Variants in ASH1L observed in about 807,000 individuals in gnomAD.
The protein encoded by ASH1L is histone-lysine N-methyltransferase ASH1L.
In ASH1L, 23 loss-of-function variants were observed where a neutral mutation model predicts 269.0. The observed-to-expected ratio is 0.09, with a 90% confidence interval of 0.06 to 0.12. The LOEUF (loss-of-function observed/expected upper bound fraction) is 0.12. ASH1L is among the 10% of genes least tolerant of loss of function. The pLI, the probability that ASH1L is intolerant of heterozygous loss-of-function variation, is 1.00. For synonymous variants in ASH1L, 1,187 were observed against 1,253.5 expected, an observed-to-expected ratio of 0.95 and a Z score of 1.12; for missense variants, 2,912 against 3,567.8, an observed-to-expected ratio of 0.82 and a Z score of 4.68.
intron 3 of ASH1L, 152 bp from the exon 4 acceptor site, chr1:155,460,050 A>G (rs768977008): frequency 4.6e-5 from 27 of 591,980 alleles, no homozygotes; most frequent in African/African-American, 7.5e-5. Context: ...GGAGGAAAAT[A>G]AGCAGAGGAC....
At chr1:155,342,236 G>C (rs1030653906) in intron 24 of ASH1L, 134 bp from the exon 25 acceptor site, 2 of 756,084 alleles carry the variant, frequency 2.6e-6, no homozygotes, top group Non-Finnish European at 4.4e-6. Context: ...AGAGAGGCAG[G>C]ACAACTAAGC....
At chr1:155,542,302 C>G (rs1048777606) in intron 1 of ASH1L, among the ~76,000 whole-genome samples, 1 of 152,156 alleles carries the variant, frequency 6.6e-6, no homozygotes, top group Non-Finnish European at 1.5e-5. Flanking sequence ...GTAATCCCAG[C>G]ACTTTGGGAG....
intron 2 of ASH1L, among the ~76,000 whole-genome samples, chr1:155,516,540 T>A (rs1304956538): frequency 6.6e-6 from 1 of 152,170 alleles, no homozygotes; most frequent in Non-Finnish European, 1.5e-5. Flanking sequence ...ACACCTGTAA[T>A]CCCATCACTT....
intron 2 of ASH1L, among the ~76,000 whole-genome samples, chr1:155,498,201 A>AAATTCAT (rs1667281284): frequency 6.6e-6 from 1 of 152,176 alleles, no homozygotes; most frequent in Non-Finnish European, 1.5e-5. Context: ...GACAGAAAAC[A>AAATTCAT]GAATAGTGGT....
chr1:155,532,889 ATATG>A (rs958380304), intron 1 of ASH1L, among the ~76,000 whole-genome samples: 13 of 142,790 alleles, frequency 9.1e-5, no homozygotes, highest in South Asian at 2.1e-4. Flanking sequence ...ATGTATATAT[ATATG>A]TATGTATGTA....
chr1:155,518,817 GAAGAAAGAA>G (rs1668670687), intron 2 of ASH1L, among the ~76,000 whole-genome samples: 2 of 131,160 alleles, frequency 1.5e-5, no homozygotes, highest in South Asian at 5.6e-4. Flanking sequence ...GGAGAGGAAG[GAAGAAAGAA>G]AAGAAGGAAG....
At chr1:155,404,750 G>A (rs1002617359) in intron 6 of ASH1L, among the ~76,000 whole-genome samples, 9 of 152,018 alleles carry the variant, frequency 5.9e-5, no homozygotes, top group African/African-American at 2.2e-4. Flanking sequence ...CCAATTGGAG[G>A]GCTGGGCGTG....
intron 11 of ASH1L, 40 bp downstream of exon 11, chr1:155,370,737 C>A: frequency 6.2e-7 from 1 of 1,613,336 alleles, no homozygotes; most frequent in Non-Finnish European, 8.5e-7. Flanking sequence ...TAATCTTATA[C>A]CTTGGCATTT....
intron 7 of ASH1L, among the ~76,000 whole-genome samples, chr1:155,385,207 G>A (rs1657327519): frequency 6.6e-6 from 1 of 152,110 alleles, no homozygotes; most frequent in African/African-American, 2.4e-5. Flanking sequence ...ACTTTGGGAG[G>A]TGAGGCGGGC....
chr1:155,556,908 G>C (rs993465896), intron 1 of ASH1L, among the ~76,000 whole-genome samples: 27 of 152,252 alleles, frequency 1.8e-4, no homozygotes, highest in Non-Finnish European at 2.4e-4. Flanking sequence ...AGGCGTGGTG[G>C]CATGTGCCTG....
intron 6 of ASH1L, among the ~76,000 whole-genome samples, chr1:155,414,902 G>T (rs1322172270): frequency 6.6e-6 from 1 of 152,088 alleles, no homozygotes; most frequent in East Asian, 1.9e-4. Flanking sequence ...CAATTAGAGT[G>T]CTTATTAAAT....
At chr1:155,488,827 A>T (rs904128812) in intron 2 of ASH1L, among the ~76,000 whole-genome samples, 1 of 152,152 alleles carries the variant, frequency 6.6e-6, no homozygotes, top group Non-Finnish European at 1.5e-5. Flanking sequence ...AAGATGCTGT[A>T]TTAAAACATG....
At chr1:155,407,977 T>C (rs1029113101) in intron 6 of ASH1L, among the ~76,000 whole-genome samples, 1 of 152,124 alleles carries the variant, frequency 6.6e-6, no homozygotes, top group African/African-American at 2.4e-5. Context: ...TCTGGAATAA[T>C]AACAATGTTT....
At chr1:155,536,576 C>A (rs1670071953) in intron 1 of ASH1L, among the ~76,000 whole-genome samples, 1 of 152,076 alleles carries the variant, frequency 6.6e-6, no homozygotes, top group Admixed American at 6.6e-5. Context: ...TATGAATACG[C>A]TATGTCTGTC....
intron 6 of ASH1L, among the ~76,000 whole-genome samples, chr1:155,410,259 TG>T (rs1165378510): frequency 6.6e-6 from 1 of 152,102 alleles, no homozygotes; most frequent in Admixed American, 6.6e-5. Flanking sequence ...CACAAGCAGC[TG>T]GGACTACAGC....
At chr1:155,540,733 C>A (rs1186038138) in intron 1 of ASH1L, among the ~76,000 whole-genome samples, 1 of 152,032 alleles carries the variant, frequency 6.6e-6, no homozygotes, top group East Asian at 1.9e-4. Context: ...CACACCACTG[C>A]ACTCCAGCCT....
chr1:155,484,622 C>CA (rs770422321), intron 2 of ASH1L, among the ~76,000 whole-genome samples: 2 of 151,634 alleles, frequency 1.3e-5, no homozygotes, highest in South Asian at 2.1e-4. Flanking sequence ...AAACATTACC[C>CA]AAAAAACAAA....
At chr1:155,489,795 A>AAAATAAACAAAT (rs1666629439) in intron 2 of ASH1L, among the ~76,000 whole-genome samples, 1 of 141,498 alleles carries the variant, frequency 7.1e-6, no homozygotes, top group Non-Finnish European at 1.5e-5. Context: ...ACACTGTCTC[A>AAAATAAACAAAT]AAATAAATAA....
intron 1 of ASH1L, among the ~76,000 whole-genome samples, chr1:155,549,846 A>G (rs924721137): frequency 1.4e-3 from 220 of 152,148 alleles, no homozygotes; most frequent in African/African-American, 5.2e-3. Context: ...CTCATCAAAG[A>G]AAAAAGCATC....
Sources: allele counts gnomAD v4.1 joint callset (sites outside exome capture counted in the v4.1 genomes callset), GRCh38; gene constraint gnomAD v4.1.1; transcripts MANE v1.5; gene names NCBI Gene and HGNC (gene_info 2026-07-23, HGNC 2026-07-21).